KPNA5: variants seen among roughly 807,000 people sequenced by gnomAD.
The protein encoded by KPNA5 is karyopherin subunit alpha 5, also known as importin subunit alpha-6.
KPNA5 carries 46 observed loss-of-function variants against 71.3 expected under a neutral mutation model. The observed-to-expected ratio is 0.65, with a 90% CI of 0.51 to 0.83. The LOEUF (loss-of-function observed/expected upper bound fraction) is 0.83. Ranked by LOEUF, KPNA5 falls within the 40% of genes least tolerant of loss-of-function variation. KPNA5 has a pLI of 0.00. For missense variants in KPNA5, 547 were observed against 628.3 expected, an observed-to-expected ratio of 0.87 and a Z score of 1.38; for synonymous variants, 207 against 201.4, an observed-to-expected ratio of 1.03 and a Z score of -0.24.
chr6:116,700,832 C>G (rs974521272), intron 5 of KPNA5, among the ~76,000 whole-genome samples: 5 of 152,116 alleles, frequency 3.3e-5, no homozygotes, highest in African/African-American at 1.2e-4. Context: ...CATTCTGTCT[C>G]TATTTTCTTT....
intron 13 of KPNA5, among the ~76,000 whole-genome samples, 187 bp downstream of exon 13, chr6:116,729,928 G>C (rs1779423360): frequency 6.6e-6 from 1 of 150,894 alleles, no homozygotes; most frequent in African/African-American, 2.4e-5. Flanking sequence ...AACATTGTCT[G>C]TATGCACAAA....
Position 116,722,229 on chromosome 6 carries a change from A to G in KPNA5, c.860A>G (p.Asn287Ser), listed in dbSNP as rs757374479. 3 of 1,613,158 alleles carry G rather than the reference A, an allele frequency of 1.9e-6. No homozygotes were observed. The highest frequency in any genetic ancestry group is 2.5e-6 in the Non-Finnish European group (3 of 1,179,494). Residue 287 changes from asparagine (N) to serine (S), a missense_variant, in exon 9 of 14, where the codon AAT (asparagine) becomes AGT (serine). By Grantham distance (46) the Asn-to-Ser change is conservative (BLOSUM62 1). Transcript: ENST00000368564. Reference protein sequence around the residue: ...WALSYLSDGPNDKIQAVIDSG... With the variant: ...WALSYLSDGPSDKIQAVIDSG... ...CTTTCTTATCTCTCCGATGGACCCA[A>G]TGATAAAATTCAAGCAGTCATTGAT...
rs1409808844 is a variant in KPNA5 at position 116,734,081 on chromosome 6, T to C, written c.*1758T>C. On this transcript the variant is annotated 3_prime_UTR_variant, in exon 14 of 14. Transcript: ENST00000368564. ...GGAAGGTATATAGCCGAGTATAAAA[T>C]GGTTTTCTTTTGCATTATCTGTATT... 6 of 151,712 alleles carry C rather than the reference T, an allele frequency of 4.0e-5. 1 individual carries two copies. The highest frequency in any genetic ancestry group is 1.4e-4 in the African/African-American group (6 of 41,418). The allele number at this position is 151,712 out of a possible 1,614,324, so 9.4% of individuals were successfully genotyped here. A position where few individuals can be genotyped will look rare whatever the true frequency, so the allele number is the denominator to read the frequency against.
chr6:116,683,896 C>CTTTTTTTTT (rs140446065), intron 1 of KPNA5, among the ~76,000 whole-genome samples: 2 of 59,542 alleles, frequency 3.4e-5, no homozygotes, highest in Non-Finnish European at 7.1e-5. Context: ...CGTGCCCGGC[C>CTTTTTTTTT]TTTTTTTTTT....
intron 1 of KPNA5, among the ~76,000 whole-genome samples, chr6:116,688,116 CTTTCCTGTT>C (rs1239218009): frequency 2.6e-5 from 4 of 152,138 alleles, no homozygotes; most frequent in Non-Finnish European, 5.9e-5. Flanking sequence ...CCCCATTTCT[CTTTCCTGTT>C]TTTCCTTTAA....
At chr6:116,681,635 G>T (rs1444897728) in intron 1 of KPNA5, 10 of 900,322 alleles carry the variant, frequency 1.1e-5, no homozygotes, top group African/African-American at 1.8e-5. Flanking sequence ...CCGTTTCTCG[G>T]TAGTTCTTTT....
Position 116,734,552 on chromosome 6 carries a change from A to T in KPNA5, c.*2229A>T, listed in dbSNP as rs762779934. 6.6e-6 allele frequency: 1 copy of T among 151,662 alleles called. No homozygotes were observed. Among genetic ancestry groups the T allele is most frequent in the African/African-American group, 2.4e-5 (1 of 41,402 alleles). 9.4% of individuals were successfully genotyped at this position (151,662 alleles called of 1,614,324 possible). A position where few individuals can be genotyped will look rare whatever the true frequency, so the allele number is the denominator to read the frequency against. On this transcript the variant is annotated 3_prime_UTR_variant, in exon 14 of 14. Transcript: ENST00000368564. ...TAGATTTGATTGCAAAGAGCACTGT[A>T]TAGCAGTTGGGACCAGCTCTTGGCT...
chr6:116,701,114 T>C (rs1230039480), intron 5 of KPNA5, among the ~76,000 whole-genome samples: 3 of 152,200 alleles, frequency 2.0e-5, no homozygotes, highest in Non-Finnish European at 2.9e-5. Flanking sequence ...AAAATTTTTC[T>C]TAGTCCTACA....
chr6:116,692,638 C>T (rs1343067678), intron 4 of KPNA5, among the ~76,000 whole-genome samples: 1 of 151,860 alleles, frequency 6.6e-6, no homozygotes, highest in Admixed American at 6.6e-5. Context: ...AAAGATTAAT[C>T]CTGCTGCCAA....
At chr6:116,697,254 G>A (rs1778062979) in intron 4 of KPNA5, among the ~76,000 whole-genome samples, 1 of 151,988 alleles carries the variant, frequency 6.6e-6, no homozygotes, top group Non-Finnish European at 1.5e-5. Context: ...GTTTTATCCT[G>A]TTGATGTTTT....
intron 1 of KPNA5, 111 bp downstream of exon 1, chr6:116,681,449 C>T: frequency 7.7e-6 from 11 of 1,434,686 alleles, no homozygotes; most frequent in Non-Finnish European, 1.0e-5. Flanking sequence ...TTGCGAAGGT[C>T]TCTGGAACCT....
At chr6:116,726,680 A>C in intron 12 of KPNA5, 58 bp downstream of exon 12, 2 of 1,390,048 alleles carry the variant, frequency 1.4e-6, no homozygotes, top group Non-Finnish European at 9.7e-7. Context: ...AGTTGAAATA[A>C]AACATATTTT....
At chr6:116,687,763 T>G (rs1300878255) in intron 1 of KPNA5, among the ~76,000 whole-genome samples, 1 of 152,220 alleles carries the variant, frequency 6.6e-6, no homozygotes, top group Non-Finnish European at 1.5e-5. Context: ...TAATTTTTAC[T>G]GAATCAATTT....
chr6:116,723,083 A>C (rs562828589), intron 9 of KPNA5, among the ~76,000 whole-genome samples: 4 of 152,294 alleles, frequency 2.6e-5, no homozygotes, highest in Admixed American at 1.3e-4. Flanking sequence ...AGCAGGCTGG[A>C]GCAGGACTTG....
chr6:116,718,718 T>G (rs1409025528), intron 8 of KPNA5, among the ~76,000 whole-genome samples: 1 of 152,152 alleles, frequency 6.6e-6, no homozygotes, highest in South Asian at 2.1e-4. Flanking sequence ...TCTGTAATTT[T>G]ATATGAGAGA....
chr6:116,722,233 T>A lies in KPNA5; in HGVS notation c.864T>A (p.Asp288Glu). The change falls in exon 9 of 14, where the codon GAT becomes GAA. Residue 288 changes from aspartate (D) to glutamate (E), a missense_variant. Physicochemically the swap from Asp to Glu is conservative, Grantham distance 45. Transcript: ENST00000368564. ...ALSYLSDGPNDKIQAVIDSGV... is the reference protein window; with the variant it reads ...ALSYLSDGPNEKIQAVIDSGV... ...CTTATCTCTCCGATGGACCCAATGATAAAATTCAAGCAGTCATTGATTCTG... is the reference window on the plus strand; with the variant it reads ...CTTATCTCTCCGATGGACCCAATGAAAAAATTCAAGCAGTCATTGATTCTG... 2 of 1,613,178 alleles carry A rather than the reference T, an allele frequency of 1.2e-6. No homozygotes were observed. The highest frequency in any genetic ancestry group is 1.7e-6 in the Non-Finnish European group (2 of 1,179,428).
intron 7 of KPNA5, among the ~76,000 whole-genome samples, chr6:116,710,894 T>TATATA (rs57807333): frequency 0.031 from 2,406 of 78,648 alleles, 67 homozygotes; most frequent in African/African-American, 0.081. Context: ...TATATATATA[T>TATATA]TTTTTTTTTT....
At chr6:116,707,856 C>G (rs1402083208) in intron 7 of KPNA5, among the ~76,000 whole-genome samples, 2 of 152,184 alleles carry the variant, frequency 1.3e-5, no homozygotes, top group African/African-American at 4.8e-5. Flanking sequence ...TCACTGCTAT[C>G]TAGTTCCAGA....
intron 9 of KPNA5, among the ~76,000 whole-genome samples, chr6:116,723,396 G>A (rs1171144258): frequency 1.3e-5 from 2 of 152,108 alleles, no homozygotes; most frequent in East Asian, 1.9e-4. Flanking sequence ...GGAAACTGAA[G>A]TTCAAATCGA....
Sources: allele counts gnomAD v4.1 joint callset (sites outside exome capture counted in the v4.1 genomes callset), GRCh38; gene constraint gnomAD v4.1.1; transcripts MANE v1.5; gene names NCBI Gene and HGNC (gene_info 2026-07-23, HGNC 2026-07-21).